SLC36A2: variants seen among roughly 807,000 people sequenced by gnomAD.
The protein encoded by SLC36A2 is proton-coupled amino acid transporter 2.
Under a neutral mutation model 42.7 loss-of-function variants are expected in SLC36A2, and 39 were observed. The ratio of observed to expected loss-of-function variants is 0.91; its 90% CI spans 0.71 to 1.19. SLC36A2 has a LOEUF of 1.19. Among genes scored for constraint, SLC36A2 ranks in the 50% most tolerant of loss-of-function variants. The pLI is 0.00. For synonymous variants in SLC36A2, 237 were observed against 240.8 expected (o/e 0.98, Z 0.15); for missense variants, 590 against 613.7 (o/e 0.96, Z 0.41).
At chr5:151,318,485 A>C (rs1580840885) in intron 9 of SLC36A2, among the ~76,000 whole-genome samples, 1 of 143,194 alleles carries the variant, frequency 7.0e-6, no homozygotes, top group Non-Finnish European at 1.5e-5. Flanking sequence ...TATATTTTAT[A>C]TATTTTATCT....
At chr5:151,323,836 A>G (rs983185786) in intron 8 of SLC36A2, among the ~76,000 whole-genome samples, 2 of 152,242 alleles carry the variant, frequency 1.3e-5, no homozygotes, top group Non-Finnish European at 2.9e-5. Context: ...CATCAGTGCC[A>G]CTTGGCATCT....
At chr5:151,321,835 G>A (rs768880441) in intron 9 of SLC36A2, 27 of 534,652 alleles carry the variant, frequency 5.1e-5, no homozygotes, top group Admixed American at 7.8e-5. Flanking sequence ...GTGCCACCAC[G>A]CCTGGTTAAT....
chr5:151,325,477 A>G (rs369567433), intron 7 of SLC36A2, 25 bp from the exon 8 acceptor site: 9 of 1,613,064 alleles, frequency 5.6e-6, no homozygotes, highest in Admixed American at 5.0e-5. Context: ...CAATGTAAGA[A>G]GGAGAAAGAG....
intron 4 of SLC36A2, among the ~76,000 whole-genome samples, chr5:151,340,796 G>T (rs1274321501): frequency 6.6e-6 from 1 of 152,200 alleles, no homozygotes; most frequent in African/African-American, 2.4e-5. Context: ...TGTGAAAGAG[G>T]TGTGGATGGG....
chr5:151,339,701 C>T (rs759150960), intron 4 of SLC36A2, among the ~76,000 whole-genome samples: 2 of 152,200 alleles, frequency 1.3e-5, no homozygotes, highest in Non-Finnish European at 2.9e-5. Context: ...GAGCCTCTCC[C>T]GATACCGGGC....
intron 5 of SLC36A2, among the ~76,000 whole-genome samples, chr5:151,337,464 C>T (rs187922065): frequency 8.9e-4 from 136 of 152,296 alleles, no homozygotes; most frequent in African/African-American, 2.8e-3. Flanking sequence ...GGTTTTAGAA[C>T]ACACTCTACT....
Position 151,316,694 on chromosome 5 carries a change from C to T in SLC36A2, c.*123G>A, listed in dbSNP as rs1395980347. 1.7e-5 allele frequency: 21 copies of T among 1,210,224 alleles called. No individual in the cohort carries two copies. Among genetic ancestry groups the T allele is most frequent in the African/African-American group, 3.4e-5 (2 of 58,786 alleles). The allele number at this position is 1,210,224 out of a possible 1,614,324, so 75.0% of individuals were successfully genotyped here. ...GGCCGAAGTTGTGGTGAGCTGAGAT[C>T]GCATCATTGTACTCCAGTCTGGGCA... On this transcript the variant is annotated 3_prime_UTR_variant, in exon 10 of 10. Transcript: ENST00000335244.
At chr5:151,341,835 C>T (rs1756354603) in intron 4 of SLC36A2, among the ~76,000 whole-genome samples, 1 of 152,114 alleles carries the variant, frequency 6.6e-6, no homozygotes, top group Non-Finnish European at 1.5e-5. Flanking sequence ...TCTCAGGCAC[C>T]CCAAACTCAA....
At chr5:151,343,383 C>G in intron 3 of SLC36A2, 127 bp downstream of exon 3, 552 of 937,068 alleles carry the variant, frequency 5.9e-4, no homozygotes, top group Non-Finnish European at 8.8e-4. Context: ...CCTGAATGCT[C>G]TTCACTCTTT....
intron 7 of SLC36A2, among the ~76,000 whole-genome samples, chr5:151,331,927 C>T (rs1473550529): frequency 1.3e-5 from 2 of 151,958 alleles, no homozygotes; most frequent in Admixed American, 6.6e-5. Context: ...AGTGCAGTGG[C>T]GCCATCTTAG....
chr5:151,318,314 T>C (rs1022277035), intron 9 of SLC36A2, among the ~76,000 whole-genome samples: 2 of 151,542 alleles, frequency 1.3e-5, no homozygotes, highest in African/African-American at 2.4e-5. Context: ...TTGGAATATA[T>C]CAATGTACAA....
intron 9 of SLC36A2, chr5:151,319,207 A>G (rs983659893): frequency 2.5e-6 from 2 of 785,748 alleles, no homozygotes; most frequent in Non-Finnish European, 3.1e-6. Context: ...TTACTCATAC[A>G]TGCTAATTGA....
intron 7 of SLC36A2, among the ~76,000 whole-genome samples, 159 bp from the exon 8 acceptor site, chr5:151,325,611 A>G (rs1188673504): frequency 1.3e-5 from 2 of 152,232 alleles, no homozygotes; most frequent in Non-Finnish European, 1.5e-5. Flanking sequence ...CATAGCCAAA[A>G]GGTGGAAGCA....
Position 151,333,312 on chromosome 5 carries a change from T to C in SLC36A2, c.755A>G (p.Asp252Gly), listed in dbSNP as rs199879795. The C allele has an allele frequency of 6.2e-7, 1 of 1,613,750 alleles. No homozygotes were observed. The highest frequency in any genetic ancestry group is 8.5e-7 in the Non-Finnish European group (1 of 1,179,842). The change falls in exon 7 of 10, where the codon GAC becomes GGC. Residue 252 changes from aspartate to glycine, a missense_variant. Physicochemically the swap from Asp to Gly is moderately conservative, Grantham distance 94 (BLOSUM62 -1). Coordinates refer to ENST00000335244, the MANE Select transcript of SLC36A2 (RefSeq NM_181776.3). The part of the protein sequence containing the change: ...IIQYITQEIP[D>G]PSRLPLVASW... ...TGCTACCAGTGGCAACCGGCTGGGGTCTGGGATTTCCTAAAGAAGAAAGAA... is the reference window on the plus strand; with the variant it reads ...TGCTACCAGTGGCAACCGGCTGGGGCCTGGGATTTCCTAAAGAAGAAAGAA...
chr5:151,331,488 A>C (rs1755994374), intron 7 of SLC36A2, among the ~76,000 whole-genome samples: 1 of 148,132 alleles, frequency 6.8e-6, no homozygotes, highest in Non-Finnish European at 1.5e-5. Flanking sequence ...GCTAATTAAA[A>C]AATTTTTTTT....
At position 151,325,355 on chromosome 5, in the gene SLC36A2, G is replaced by A. The variant is rs766086527; in HGVS notation, c.941C>T (p.Ala314Val). ...SIVTSLYIGM[A>V]ALGYLRFGDD... ...TCCAAACCGCAGGTAGCCCAGAGCC[G>A]CCATGCCAATGTATAGGGAAGTGAC... Residue 314 changes from alanine (A) to valine (V), a missense_variant, in exon 8 of 10, where the codon GCG becomes GTG. By Grantham distance (64) the Ala-to-Val change is moderately conservative. Coordinates refer to ENST00000335244, the MANE Select transcript of SLC36A2 (RefSeq NM_181776.3). 57 of 1,614,000 alleles carry A rather than the reference G, an allele frequency of 3.5e-5. No homozygotes were observed. The highest frequency in any genetic ancestry group is 1.6e-4 in the Middle Eastern group (1 of 6,082).
At chr5:151,340,222 G>T (rs1369664575) in intron 4 of SLC36A2, among the ~76,000 whole-genome samples, 3 of 148,822 alleles carry the variant, frequency 2.0e-5, no homozygotes, top group African/African-American at 5.0e-5. Flanking sequence ...GGAGGGAGAG[G>T]AGGAGGAAGG....
At position 151,347,310 on chromosome 5, in the gene SLC36A2, T is replaced by A; in HGVS notation, c.151A>T (p.Thr51Ser). ...SPSESAGLKK[T>S]KGITVFQALI... Reference sequence around the variant, plus strand: ...AACAGCACTCACGTTATGCCCTTGGTCTTCTTCAAGCCTGCTGACTCTGAA... The same window carrying A: ...AACAGCACTCACGTTATGCCCTTGGACTTCTTCAAGCCTGCTGACTCTGAA... The change falls in exon 1 of 10, where the codon ACC (threonine) becomes TCC (serine). Residue 51 changes from threonine (T) to serine (S), a missense_variant. By Grantham distance (58) the Thr-to-Ser change is moderately conservative. Transcript: ENST00000335244. 1 of 1,602,568 alleles carries A rather than the reference T, an allele frequency of 6.2e-7. No individual in the cohort carries two copies. Among genetic ancestry groups the A allele is most frequent in the Non-Finnish European group, 8.6e-7 (1 of 1,169,344 alleles).
chr5:151,344,986 A>C (rs1756453135), intron 1 of SLC36A2, among the ~76,000 whole-genome samples: 1 of 152,122 alleles, frequency 6.6e-6, no homozygotes, highest in Non-Finnish European at 1.5e-5. Flanking sequence ...TTCTCAGCCC[A>C]GGGCATCAAG....
Sources: gnomAD v4.1 joint callset for allele counts (sites outside exome capture counted in the v4.1 genomes callset) on GRCh38, gnomAD v4.1.1 for gene constraint, MANE v1.5 for transcripts, NCBI Gene and HGNC (gene_info 2026-07-23, HGNC 2026-07-21) for gene names.